RELN: variants seen among roughly 807,000 people sequenced by gnomAD.
RELN encodes reelin.
RELN carries 108 observed loss-of-function variants against 427.6 expected under a neutral mutation model. The ratio of observed to expected loss-of-function variants is 0.25; its 90% CI spans 0.22 to 0.30. The LOEUF (loss-of-function observed/expected upper bound fraction) is 0.30. Among genes scored for constraint, RELN ranks in the 10% least tolerant of loss-of-function variants. The pLI, the probability that RELN is intolerant of heterozygous loss-of-function variation, is 1.00. For synonymous variants in RELN, 1,524 were observed against 1,513.4 expected (o/e 1.01, Z -0.16); for missense variants, 3,715 against 4,302.8 (o/e 0.86, Z 3.82).
chr7:103,977,310 C>CAAAAAAAAAAAAAAAA (rs201026012), intron 1 of RELN, among the ~76,000 whole-genome samples: 6 of 88,262 alleles, frequency 6.8e-5, no homozygotes, highest in African/African-American at 3.1e-4. Context: ...GACTCTGTCT[C>CAAAAAAAAAAAAAAAA]AAAAAAAAAA....
rs758615073 is a variant in RELN at position 103,519,446 on chromosome 7, A to T, written c.7739T>A (p.Met2580Lys). 6.2e-7 allele frequency: 1 copy of T among 1,613,682 alleles called. No individual in the cohort carries two copies. The highest frequency in any genetic ancestry group is 1.3e-5 in the African/African-American group (1 of 75,018). ...GTTTGGTGTAATCAGGCACCCATAC[A>T]TGAAGTAAAATTGGATGAACTCAGC... is the stretch of plus-strand genomic sequence containing the variant. ...TNAEFIQFYF[M>K]YGCLITPNNR... The change falls in exon 49 of 65, where the codon ATG (methionine) becomes AAG (lysine). Residue 2580 changes from methionine (M) to lysine (K), a missense_variant. Around this residue, in one of 4 missense-constraint regions of RELN, gnomAD observed 1,310 missense variants for 1,643.0 expected, o/e 0.80. Coordinates refer to ENST00000428762, the MANE Select transcript of RELN (RefSeq NM_005045.4).
At chr7:103,967,050 A>C (rs895313720) in intron 1 of RELN, among the ~76,000 whole-genome samples, 3 of 152,124 alleles carry the variant, frequency 2.0e-5, no homozygotes, top group Non-Finnish European at 2.9e-5. Context: ...TGTTCTATTA[A>C]TAGCTGACAT....
chr7:103,711,789 T>C (rs1789808340), intron 8 of RELN, among the ~76,000 whole-genome samples: 1 of 152,144 alleles, frequency 6.6e-6, no homozygotes, highest in African/African-American at 2.4e-5. Context: ...CCCAAGTAGC[T>C]GGGATTGCAG....
chr7:103,948,826 C>A (rs1340957542), intron 1 of RELN, among the ~76,000 whole-genome samples: 1 of 151,732 alleles, frequency 6.6e-6, no homozygotes, highest in African/African-American at 2.4e-5. Flanking sequence ...CCAGCCTGGG[C>A]AATGTGGTGA....
intron 6 of RELN, among the ~76,000 whole-genome samples, chr7:103,731,197 G>C (rs988141504): frequency 9.2e-5 from 14 of 152,114 alleles, no homozygotes; most frequent in Admixed American, 9.2e-4. Context: ...CTTCAAAGGA[G>C]ATGGTCCCGG....
chr7:103,924,539 A>C (rs1331279336), intron 1 of RELN, among the ~76,000 whole-genome samples: 11 of 152,192 alleles, frequency 7.2e-5, no homozygotes, highest in Non-Finnish European at 1.5e-5. Context: ...GAATTCTAGC[A>C]GGTGCAGGAC....
At chr7:103,902,523 T>C (rs1795106178) in intron 2 of RELN, among the ~76,000 whole-genome samples, 1 of 152,018 alleles carries the variant, frequency 6.6e-6, no homozygotes, top group Non-Finnish European at 1.5e-5. Context: ...TATGAAAACA[T>C]GTAGGAAGAA....
chr7:103,753,279 G>C lies in RELN; in HGVS notation c.545-65C>G, dbSNP rs368236366. 5.0e-5 allele frequency: 76 copies of C among 1,523,914 alleles called. 1 individual carries two copies. The highest frequency in any genetic ancestry group is 1.7e-4 in the Middle Eastern group (1 of 5,922). 94.4% of individuals were successfully genotyped at this position (1,523,914 alleles called of 1,614,324 possible). On this transcript the variant is annotated intron_variant, in intron 4 of 64. Coordinates refer to ENST00000428762, the MANE Select transcript of RELN (RefSeq NM_005045.4). ...AATGAAAGCAAAATCCAGTAATAAA[G>C]AGTCACAACACAGTTATAAAACTTA...
At chr7:103,779,951 C>T (rs1018417502) in intron 3 of RELN, among the ~76,000 whole-genome samples, 1 of 152,192 alleles carries the variant, frequency 6.6e-6, no homozygotes, top group South Asian at 2.1e-4. Flanking sequence ...TGGTCTTGAT[C>T]TCTTGACCTC....
chr7:103,928,259 T>A (rs1270306245), intron 1 of RELN, among the ~76,000 whole-genome samples: 1 of 152,222 alleles, frequency 6.6e-6, no homozygotes, highest in African/African-American at 2.4e-5. Flanking sequence ...GCCAATTTGA[T>A]CAATACAATT....
At chr7:103,586,862 C>T (rs766865857) in intron 28 of RELN, among the ~76,000 whole-genome samples, 3 of 145,618 alleles carry the variant, frequency 2.1e-5, no homozygotes, top group Non-Finnish European at 3.1e-5. Context: ...CTAGAAAACA[C>T]TGTAGATGGA....
chr7:103,976,364 G>A (rs1214805154), intron 1 of RELN, among the ~76,000 whole-genome samples: 1 of 152,078 alleles, frequency 6.6e-6, no homozygotes, highest in African/African-American at 2.4e-5. Flanking sequence ...AGAGCACCCA[G>A]GCTGCTATTT....
At chr7:103,905,020 G>A (rs75798526) in intron 2 of RELN, among the ~76,000 whole-genome samples, 10,418 of 119,152 alleles carry the variant, frequency 0.087, 401 homozygotes, top group African/African-American at 0.14. Context: ...TCGCTTTGTC[G>A]CCCAGGCTGA....
chr7:103,826,257 T>A (rs1793135248), intron 3 of RELN, among the ~76,000 whole-genome samples: 1 of 151,672 alleles, frequency 6.6e-6, no homozygotes, highest in African/African-American at 2.4e-5. Context: ...AAAAATCTTC[T>A]ATTGTTTATA....
At chr7:103,870,951 G>T (rs1004480693) in intron 2 of RELN, among the ~76,000 whole-genome samples, 2 of 152,092 alleles carry the variant, frequency 1.3e-5, no homozygotes, top group African/African-American at 4.8e-5. Flanking sequence ...CATCTCAGCA[G>T]GACCACTGTG....
At chr7:103,552,006 A>C (rs1338264876) in intron 40 of RELN, among the ~76,000 whole-genome samples, 2 of 151,822 alleles carry the variant, frequency 1.3e-5, no homozygotes, top group Non-Finnish European at 2.9e-5. Context: ...ATACATTATT[A>C]TATTATTAAC....
intron 6 of RELN, among the ~76,000 whole-genome samples, chr7:103,729,690 T>C (rs1330605329): frequency 6.6e-6 from 1 of 152,160 alleles, no homozygotes; most frequent in Non-Finnish European, 1.5e-5. Flanking sequence ...TCATCATTTA[T>C]GGCATGTTCC....
At chr7:103,868,022 A>G (rs1384705848) in intron 2 of RELN, among the ~76,000 whole-genome samples, 1 of 151,900 alleles carries the variant, frequency 6.6e-6, no homozygotes, top group Admixed American at 6.6e-5. Flanking sequence ...ACAAAATTCA[A>G]AGCTCTATTT....
intron 2 of RELN, among the ~76,000 whole-genome samples, chr7:103,876,853 A>T (rs1253956487): frequency 6.6e-6 from 1 of 151,676 alleles, no homozygotes; most frequent in African/African-American, 2.4e-5. Context: ...TTTTTTTTCA[A>T]GTCAGTTACT....
Sources: gnomAD v4.1 joint callset for allele counts (sites outside exome capture counted in the v4.1 genomes callset) on GRCh38, gnomAD v4.1.1 for gene constraint, gnomAD v4.1.1 regional missense constraint, MANE v1.5 for transcripts, NCBI Gene and HGNC (gene_info 2026-07-23, HGNC 2026-07-21) for gene names.